The following FAM135B variants were observed in gnomAD, a reference collection of about 807,000 sequenced individuals.
FAM135B encodes family with sequence similarity 135 member B.
A neutral mutation model predicts 127.7 loss-of-function variants in FAM135B; 43 were observed. The observed-to-expected ratio is 0.34, with a 90% CI of 0.26 to 0.43. The LOEUF (loss-of-function observed/expected upper bound fraction) is 0.43. FAM135B is among the 20% of genes least tolerant of loss of function. FAM135B has a pLI of 1.00. For missense variants in FAM135B, 1,558 were observed against 1,725.6 expected (o/e 0.90, Z 1.72); for synonymous variants, 670 against 665.1 (o/e 1.01, Z -0.11).
intron 2 of FAM135B, among the ~76,000 whole-genome samples, chr8:138,326,685 A>G (rs1248651136): frequency 6.6e-6 from 1 of 152,204 alleles, no homozygotes; most frequent in Admixed American, 6.5e-5. Context: ...GTGAAAACAT[A>G]TGATAGAATC....
chr8:138,147,603 A>G (rs1380750161), intron 14 of FAM135B, among the ~76,000 whole-genome samples: 1 of 152,162 alleles, frequency 6.6e-6, no homozygotes, highest in East Asian at 1.9e-4. Flanking sequence ...GTTTAGACAT[A>G]TGCACCTTGA....
At chr8:138,416,517 C>A (rs1834164305) in intron 1 of FAM135B, among the ~76,000 whole-genome samples, 1 of 152,082 alleles carries the variant, frequency 6.6e-6, no homozygotes, top group Non-Finnish European at 1.5e-5. Flanking sequence ...TTTAGTCTAT[C>A]TTTTCCCCTT....
At position 138,226,695 on chromosome 8, in the gene FAM135B, G is replaced by T. The variant is rs148133276; in HGVS notation, c.669+16247C>A. ...TCCTGCCTCAGCCTCTCAAGTAGCTGGGATTACAGGCATGCACCACCATGC... is the reference window on the plus strand; with the variant it reads ...TCCTGCCTCAGCCTCTCAAGTAGCTTGGATTACAGGCATGCACCACCATGC... On this transcript the variant is annotated intron_variant, in intron 7 of 19. Transcript: ENST00000395297. 8.5e-5 allele frequency among the ~76,000 whole-genome samples: 13 copies of T among 152,234 alleles called. No individual in the cohort carries two copies. The East Asian group carries it at 2.5e-3, about 29-fold the overall frequency.
chr8:138,356,060 C>T (rs1587210934), intron 2 of FAM135B, among the ~76,000 whole-genome samples: 1 of 152,096 alleles, frequency 6.6e-6, no homozygotes, highest in East Asian at 1.9e-4. Flanking sequence ...AGCATTTGCC[C>T]CTTCTATCAT....
intron 19 of FAM135B, among the ~76,000 whole-genome samples, chr8:138,133,875 TC>T (rs1816403352): frequency 6.6e-6 from 1 of 152,168 alleles, no homozygotes; most frequent in African/African-American, 2.4e-5. Flanking sequence ...TGGGGGTGTT[TC>T]TTTTCCCCCC....
intron 2 of FAM135B, among the ~76,000 whole-genome samples, chr8:138,335,610 G>T (rs1354985690): frequency 1.3e-5 from 2 of 152,136 alleles, no homozygotes; most frequent in Non-Finnish European, 2.9e-5. Flanking sequence ...CATAAAGCAA[G>T]TACTTAGAGA....
intron 2 of FAM135B, among the ~76,000 whole-genome samples, chr8:138,336,202 G>A (rs1017043939): frequency 3.3e-5 from 5 of 151,838 alleles, no homozygotes; most frequent in Non-Finnish European, 5.9e-5. Flanking sequence ...AAGAACTAGA[G>A]AAGCAAGAGC....
At chr8:138,252,757 C>A (rs1209329421) in intron 5 of FAM135B, among the ~76,000 whole-genome samples, 1 of 152,006 alleles carries the variant, frequency 6.6e-6, no homozygotes, top group East Asian at 1.9e-4. Flanking sequence ...ACAGAAAGAG[C>A]CCTAGTATTT....
rs1818101739 is a variant in FAM135B, at chr8:138,151,120, T to C, written c.3281+74A>G. The C allele has an allele frequency of 7.2e-6, 8 of 1,113,058 alleles. No individual in the cohort carries two copies. In the South Asian group the frequency reaches 1.4e-4, roughly 20 times the overall value. 68.9% of individuals were successfully genotyped at this position (1,113,058 alleles called of 1,614,324 possible). Reference sequence around the variant, plus strand: ...CAGATATCTAAATTTTGAAACAGTATGCATGAAATGGAGAAATATGTGGAA... The same window carrying C: ...CAGATATCTAAATTTTGAAACAGTACGCATGAAATGGAGAAATATGTGGAA... On this transcript the variant is annotated intron_variant, in intron 13 of 19. Transcript: ENST00000395297.
chr8:138,361,839 C>G (rs1830441116), intron 2 of FAM135B, among the ~76,000 whole-genome samples: 7 of 152,154 alleles, frequency 4.6e-5, no homozygotes, highest in Admixed American at 4.6e-4. Context: ...TGTTATTTCA[C>G]TCCGAGACAT....
At chr8:138,368,271 T>C (rs1033794224) in intron 1 of FAM135B, among the ~76,000 whole-genome samples, 3 of 152,144 alleles carry the variant, frequency 2.0e-5, no homozygotes, top group Non-Finnish European at 4.4e-5. Context: ...CCCTTTCCTA[T>C]CTGTCAGTAC....
At chr8:138,225,064 A>C (rs571063148) in intron 7 of FAM135B, among the ~76,000 whole-genome samples, 2 of 152,212 alleles carry the variant, frequency 1.3e-5, no homozygotes, top group African/African-American at 4.8e-5. Flanking sequence ...TATATTTCAA[A>C]ATTGCTACAA....
intron 2 of FAM135B, among the ~76,000 whole-genome samples, chr8:138,347,305 CA>C (rs1018751535): frequency 6.6e-6 from 1 of 152,210 alleles, no homozygotes; most frequent in African/African-American, 2.4e-5. Context: ...CTTCACAACA[CA>C]AATCATCCCT....
At chr8:138,384,672 G>T (rs1363004699) in intron 1 of FAM135B, among the ~76,000 whole-genome samples, 1 of 152,108 alleles carries the variant, frequency 6.6e-6, no homozygotes, top group Admixed American at 6.6e-5. Context: ...GTGTGTGTAT[G>T]TGAGTGGTTT....
chr8:138,452,646 G>C (rs1212653270), intron 1 of FAM135B, among the ~76,000 whole-genome samples: 1 of 152,048 alleles, frequency 6.6e-6, no homozygotes, highest in Non-Finnish European at 1.5e-5. Context: ...AACCACTTAT[G>C]AGCTCACAGT....
At chr8:138,307,551 T>G (rs1023383545) in intron 3 of FAM135B, among the ~76,000 whole-genome samples, 1 of 152,150 alleles carries the variant, frequency 6.6e-6, no homozygotes. Context: ...ACCTGCAAGC[T>G]TCCCTTGAAT....
intron 1 of FAM135B, among the ~76,000 whole-genome samples, chr8:138,391,314 C>T (rs945719744): frequency 2.0e-5 from 3 of 152,050 alleles, no homozygotes; most frequent in Non-Finnish European, 4.4e-5. Flanking sequence ...TCCAGGGCTA[C>T]AGAGCCCCCA....
chr8:138,457,601 G>A (rs144907700), intron 1 of FAM135B, among the ~76,000 whole-genome samples: 13 of 152,222 alleles, frequency 8.5e-5, no homozygotes, highest in East Asian at 1.9e-4. Context: ...ACTGACATTC[G>A]TGTTTCACTT....
chr8:138,335,931 T>C (rs1005486085), intron 2 of FAM135B, among the ~76,000 whole-genome samples: 1 of 152,054 alleles, frequency 6.6e-6, no homozygotes, highest in Non-Finnish European at 1.5e-5. Flanking sequence ...GCAATCAAAC[T>C]AGAACTCAGG....
Sources: gnomAD v4.1 joint callset for allele counts (sites outside exome capture counted in the v4.1 genomes callset) on GRCh38, gnomAD v4.1.1 for gene constraint, MANE v1.5 for transcripts, NCBI Gene and HGNC (gene_info 2026-07-23, HGNC 2026-07-21) for gene names.